The following SS18 variants were observed in gnomAD, a reference collection of about 807,000 sequenced individuals.
SS18 encodes the protein protein SSXT.
A neutral mutation model predicts 72.5 loss-of-function variants in SS18; 28 were observed. That is an observed-to-expected ratio of 0.39 (90% CI 0.29 to 0.53). The LOEUF (loss-of-function observed/expected upper bound fraction) is 0.53. Ranked by LOEUF, SS18 falls within the 20% of genes least tolerant of loss-of-function variation. The pLI, the probability that SS18 is intolerant of heterozygous loss-of-function variation, is 0.76. For missense variants in SS18, 518 were observed against 535.3 expected (o/e 0.97, Z 0.32); for synonymous variants, 172 against 164.2 (o/e 1.05, Z -0.37).
At chr18:26,057,811 G>C (rs1333160131) in intron 3 of SS18, 69 bp from the exon 4 acceptor site, 1 of 1,388,196 alleles carries the variant, frequency 7.2e-7, no homozygotes, top group African/African-American at 1.5e-5. Flanking sequence ...GGGTAAAAGA[G>C]TTGCTTATGT....
chr18:26,057,503 T>A, intron 4 of SS18, 86 bp downstream of exon 4: 2 of 1,532,154 alleles, frequency 1.3e-6, no homozygotes, highest in East Asian at 4.5e-5. Context: ...AGTTTTGTCA[T>A]CAACAATCTA....
At chr18:26,020,175 T>C (rs2053323130) in intron 10 of SS18, among the ~76,000 whole-genome samples, 1 of 152,216 alleles carries the variant, frequency 6.6e-6, no homozygotes, top group African/African-American at 2.4e-5. Context: ...TCCAACTCTA[T>C]TGCTAACTTC....
chr18:26,083,478 G>C (rs1019033438), intron 2 of SS18, among the ~76,000 whole-genome samples: 10 of 152,122 alleles, frequency 6.6e-5, no homozygotes, highest in Non-Finnish European at 1.3e-4. Context: ...ATCATCAAGA[G>C]TACTCACACA....
At position 26,052,832 on chromosome 18, in the gene SS18, CATATGG is replaced by C; in HGVS notation, c.393_398del (p.Asn131_Met133delinsLys). 1.9e-6 allele frequency: 3 copies of C among 1,614,056 alleles called. No homozygotes were observed. The South Asian group carries it at 3.3e-5, about 18-fold the overall frequency. On this transcript the variant is annotated inframe_deletion, in exon 5 of 11. Transcript: ENST00000415083. ...GATTGGGTCCAGGTCCCTGCATAGG[CATATGG>C]TTAGGCCCTTTGAAGAAAAATGATC...
chr18:26,072,943 C>T (rs938961606), intron 3 of SS18, among the ~76,000 whole-genome samples: 7 of 149,070 alleles, frequency 4.7e-5, no homozygotes, highest in Admixed American at 2.7e-4. Flanking sequence ...AAAAAAACAA[C>T]AATCATTAAG....
At chr18:26,028,667 T>C (rs974872369) in intron 10 of SS18, among the ~76,000 whole-genome samples, 5 of 152,134 alleles carry the variant, frequency 3.3e-5, no homozygotes, top group African/African-American at 1.2e-4. Context: ...AACCAGAACA[T>C]ACTATATTAT....
intron 6 of SS18, 31 bp from the exon 7 acceptor site, chr18:26,038,690 T>C (rs376643548): frequency 5.6e-5 from 86 of 1,546,194 alleles, no homozygotes; most frequent in Admixed American, 2.5e-4. Flanking sequence ...AAGATATAAA[T>C]AATGTGTTCT....
chr18:26,061,283 A>G (rs2054119797), intron 3 of SS18, among the ~76,000 whole-genome samples: 1 of 152,248 alleles, frequency 6.6e-6, no homozygotes, highest in African/African-American at 2.4e-5. Flanking sequence ...ACTGCACTCC[A>G]GCCTGGGCCA....
upstream of SS18, chr18:26,090,682 A>G: frequency 8.7e-7 from 1 of 1,147,826 alleles, no homozygotes; most frequent in Admixed American, 2.1e-5. Flanking sequence ...GGGAGGGGGG[A>G]TGCTCCGGGG....
Position 26,035,469 on chromosome 18 carries a change from C to G in SS18, c.974-342G>C. On this transcript the variant is annotated intron_variant, in intron 8 of 10. Coordinates refer to ENST00000415083, the MANE Select transcript of SS18 (RefSeq NM_001007559.3). This position sits in a 1 kb window ranked among gnomAD's most constrained non-coding sequence, Gnocchi z 4.4. The stretch of plus-strand genomic sequence containing the variant: ...GCTACAAGAGCACACACTAGCTACA[C>G]GAGATCAGCAAGCTGTTTCCTAAAG... 6.9e-6 allele frequency: 2 copies of G among 291,146 alleles called. No homozygotes were observed. Among genetic ancestry groups the G allele is most frequent in the South Asian group, 1.3e-4 (2 of 15,686 alleles). The allele number at this position is 291,146 out of a possible 1,614,324, so 18.0% of individuals were successfully genotyped here. A position where few individuals can be genotyped will look rare whatever the true frequency, so the allele number is the denominator to read the frequency against.
chr18:26,029,684 TCC>T (rs1158681131), intron 10 of SS18, among the ~76,000 whole-genome samples: 1 of 152,154 alleles, frequency 6.6e-6, no homozygotes, highest in African/African-American at 2.4e-5. Flanking sequence ...TTTTAATTTC[TCC>T]CCTTTTATCT....
chr18:26,033,000 AAGTAT>A, intron 9 of SS18, among the ~76,000 whole-genome samples: 1 of 152,352 alleles, frequency 6.6e-6, no homozygotes. Context: ...CAATCACCAA[AAGTAT>A]ATGTCTATAC....
At chr18:26,030,268 A>G (rs1160376083) in intron 10 of SS18, among the ~76,000 whole-genome samples, 1 of 152,144 alleles carries the variant, frequency 6.6e-6, no homozygotes, top group East Asian at 1.9e-4. Flanking sequence ...ACGGTTTAAC[A>G]CTAGTCCCTT....
intron 3 of SS18, among the ~76,000 whole-genome samples, chr18:26,074,855 T>A (rs1327697385): frequency 1.3e-5 from 2 of 151,852 alleles, no homozygotes; most frequent in Admixed American, 1.3e-4. Flanking sequence ...CTGGCAAGAA[T>A]GATCAAAAAA....
At chr18:26,090,663 G>A, upstream of SS18, 1 of 1,290,580 alleles carries the variant, frequency 7.7e-7, no homozygotes, top group South Asian at 1.3e-5. Flanking sequence ...GAACCACCTC[G>A]GGAATGCGGG....
chr18:26,090,901 A>C, upstream of SS18: 1 of 359,348 alleles, frequency 2.8e-6, no homozygotes. Context: ...GATTCAGGAA[A>C]TGGTCCCGCC....
At chr18:26,027,703 A>AAAC (rs1555643837) in intron 10 of SS18, among the ~76,000 whole-genome samples, 1 of 124,698 alleles carries the variant, frequency 8.0e-6, no homozygotes, top group African/African-American at 3.6e-5. Flanking sequence ...AAAAAAAAAA[A>AAAC]AGTCTTTTCA....
At chr18:26,041,720 A>C (rs2053728952) in intron 5 of SS18, among the ~76,000 whole-genome samples, 1 of 151,786 alleles carries the variant, frequency 6.6e-6, no homozygotes, top group Non-Finnish European at 1.5e-5. Flanking sequence ...TTAGAAACAA[A>C]AAGAAAGCAA....
intron 2 of SS18, among the ~76,000 whole-genome samples, chr18:26,086,181 G>A (rs766717717): frequency 5.9e-5 from 9 of 152,166 alleles, no homozygotes; most frequent in South Asian, 2.1e-4. Context: ...ACAGGAGGAC[G>A]TGAGTAGGTG....
Sources: allele counts gnomAD v4.1 joint callset (sites outside exome capture counted in the v4.1 genomes callset), GRCh38; gene constraint gnomAD v4.1.1; non-coding constraint Gnocchi (gnomAD v3.1); transcripts MANE v1.5; gene names NCBI Gene and HGNC (gene_info 2026-07-23, HGNC 2026-07-21).